CADPS: variants seen among roughly 807,000 people sequenced by gnomAD.
The protein encoded by CADPS is calcium dependent secretion activator.
CADPS carries 57 observed loss-of-function variants against 167.3 expected under a neutral mutation model. The observed-to-expected ratio is 0.34, with a 90% CI of 0.28 to 0.42. The LOEUF (loss-of-function observed/expected upper bound fraction) is 0.42. Among genes scored for constraint, CADPS ranks in the 20% least tolerant of loss-of-function variants. The pLI, the probability that CADPS is intolerant of heterozygous loss-of-function variation, is 1.00. For missense variants in CADPS, 1,414 were observed against 1,738.1 expected, an observed-to-expected ratio of 0.81 and a Z score of 3.32; for synonymous variants, 676 against 635.3, an observed-to-expected ratio of 1.06 and a Z score of -0.96.
intron 17 of CADPS, among the ~76,000 whole-genome samples, chr3:62,504,044 C>T (rs2066206627): frequency 6.6e-6 from 1 of 152,074 alleles, no homozygotes. Flanking sequence ...ATTCTAGTGA[C>T]ATTAATAAAA....
intron 1 of CADPS, among the ~76,000 whole-genome samples, chr3:62,775,320 T>C (rs951520496): frequency 2.0e-5 from 3 of 152,192 alleles, no homozygotes; most frequent in African/African-American, 7.2e-5. Context: ...CTGAGAGTGC[T>C]GGGATTACAG....
intron 1 of CADPS, among the ~76,000 whole-genome samples, chr3:62,830,280 G>A (rs971861150): frequency 2.6e-5 from 4 of 152,114 alleles, no homozygotes; most frequent in African/African-American, 7.2e-5. Context: ...AGCAAAGCAA[G>A]TAATCAAAGT....
chr3:62,464,329 G>C (rs1282949534), intron 26 of CADPS, among the ~76,000 whole-genome samples: 2 of 152,208 alleles, frequency 1.3e-5, no homozygotes, highest in Non-Finnish European at 2.9e-5. Flanking sequence ...GCTGGGCCTT[G>C]TCTTGGCATT....
intron 3 of CADPS, among the ~76,000 whole-genome samples, chr3:62,693,489 GGT>G (rs1156675223): frequency 1.3e-5 from 2 of 152,162 alleles, no homozygotes; most frequent in African/African-American, 4.8e-5. Flanking sequence ...GTTTTTGCCA[GGT>G]GCAGTGGCTC....
chr3:62,756,348 T>C (rs1053776262), intron 2 of CADPS, among the ~76,000 whole-genome samples: 1 of 152,244 alleles, frequency 6.6e-6, no homozygotes, highest in Non-Finnish European at 1.5e-5. Flanking sequence ...ATTACAGGCG[T>C]GAGCCACCAT....
intron 17 of CADPS, among the ~76,000 whole-genome samples, chr3:62,508,260 A>G (rs1434089741): frequency 6.6e-6 from 1 of 152,156 alleles, no homozygotes; most frequent in Non-Finnish European, 1.5e-5. Flanking sequence ...AGGACAAGAG[A>G]CTGGAGAGTC....
intron 23 of CADPS, among the ~76,000 whole-genome samples, chr3:62,477,405 T>C (rs62243486): frequency 0.04 from 6,036 of 151,818 alleles, 189 homozygotes; most frequent in Non-Finnish European, 0.058. Flanking sequence ...GACAGAGTGA[T>C]GATGATGATG....
intron 6 of CADPS, among the ~76,000 whole-genome samples, chr3:62,635,884 T>C (rs902416312): frequency 6.6e-6 from 1 of 152,192 alleles, no homozygotes; most frequent in Non-Finnish European, 1.5e-5. Context: ...CATCTTTACA[T>C]GTAAGCATTA....
chr3:62,561,495 C>T (rs535097263), intron 9 of CADPS, among the ~76,000 whole-genome samples: 2 of 151,636 alleles, frequency 1.3e-5, no homozygotes, highest in Non-Finnish European at 1.5e-5. Context: ...GGTTTGAACT[C>T]CTGGGCTCAA....
intron 1 of CADPS, among the ~76,000 whole-genome samples, chr3:62,834,634 A>C (rs2075639501): frequency 6.6e-6 from 1 of 152,182 alleles, no homozygotes; most frequent in Non-Finnish European, 1.5e-5. Context: ...TGAGGCTTAG[A>C]TACAATATTC....
At chr3:62,427,916 C>T (rs1028202683) in intron 28 of CADPS, among the ~76,000 whole-genome samples, 1 of 151,808 alleles carries the variant, frequency 6.6e-6, no homozygotes, top group African/African-American at 2.4e-5. Flanking sequence ...GGCTTTATAC[C>T]TTGGTTGGCA....
intron 1 of CADPS, among the ~76,000 whole-genome samples, chr3:62,839,751 G>A (rs216058): frequency 0.089 from 13,486 of 152,158 alleles, 2,005 homozygotes; most frequent in African/African-American, 0.31. Flanking sequence ...CAAGAACCAG[G>A]GCCAAAGCAT....
At chr3:62,404,761 G>C (rs559974779) in intron 28 of CADPS, 7 of 151,052 alleles carry the variant, frequency 4.6e-5, no homozygotes, top group African/African-American at 1.7e-4. Flanking sequence ...GGGAGCAGGA[G>C]GGGTAGGAAG....
At chr3:62,587,495 G>A (rs918345822) in intron 7 of CADPS, among the ~76,000 whole-genome samples, 1 of 152,178 alleles carries the variant, frequency 6.6e-6, no homozygotes, top group Non-Finnish European at 1.5e-5. Flanking sequence ...AGAGAGGTAG[G>A]GGTGAGATGT....
intron 3 of CADPS, among the ~76,000 whole-genome samples, chr3:62,712,587 G>T (rs2083609076): frequency 6.6e-6 from 1 of 152,110 alleles, no homozygotes; most frequent in African/African-American, 2.4e-5. Flanking sequence ...ACCTCTTAAT[G>T]TCGTTTCTCC....
chr3:62,599,341 T>C (rs1214663150), intron 6 of CADPS, among the ~76,000 whole-genome samples: 9 of 151,066 alleles, frequency 6.0e-5, no homozygotes, highest in Admixed American at 6.7e-5. Flanking sequence ...TGAGTACTTA[T>C]GATTTGCCAG....
rs35975017 is a variant in CADPS, at chr3:62,753,720, G to A, written c.609C>T (p.Ser203=). ...TGAAGACCTCCCGGGAGTCGTTGGC[G>A]GAACAGCCTCCACTCTGAACCATGC... ...VARMVQSGGC[S]ANDSREVFKK... is the part of the protein sequence containing the mutation. The change falls in exon 3 of 30, where the codon TCC becomes TCT. Residue 203 remains serine (S), a synonymous_variant. Transcript: ENST00000383710. The surrounding 1 kb of genome is among the most constrained non-coding windows in gnomAD (Gnocchi z 4.6). 3.0e-3 allele frequency: 4,833 copies of A among 1,614,084 alleles called. 126 individuals carry two copies. The African/African-American group carries it at 0.055, about 18-fold the overall frequency.
At chr3:62,863,719 A>C (rs2081214289) in intron 1 of CADPS, among the ~76,000 whole-genome samples, 1 of 152,230 alleles carries the variant, frequency 6.6e-6, no homozygotes, top group African/African-American at 2.4e-5. Context: ...CTACAGAAGA[A>C]TTCTCAGCCA....
At chr3:62,796,520 T>C (rs1465100879) in intron 1 of CADPS, 1 of 152,158 alleles carries the variant, frequency 6.6e-6, no homozygotes, top group African/African-American at 2.4e-5. Context: ...GATGATGAAA[T>C]CCGTGAAGGA....
Sources: allele counts gnomAD v4.1 joint callset (sites outside exome capture counted in the v4.1 genomes callset), GRCh38; gene constraint gnomAD v4.1.1; non-coding constraint Gnocchi (gnomAD v3.1); transcripts MANE v1.5; gene names NCBI Gene and HGNC (gene_info 2026-07-23, HGNC 2026-07-21).